KATNA1: variants seen among roughly 807,000 people sequenced by gnomAD.
The protein encoded by KATNA1 is katanin catalytic subunit A1, also known as katanin p60 ATPase-containing subunit A1.
KATNA1 carries 42 observed loss-of-function variants against 62.6 expected under a neutral mutation model. The observed-to-expected ratio is 0.67, with a 90% confidence interval of 0.52 to 0.87. The LOEUF (loss-of-function observed/expected upper bound fraction) is 0.87. Ranked by LOEUF, KATNA1 falls within the 40% of genes least tolerant of loss-of-function variation. KATNA1 has a pLI of 0.00. For synonymous variants in KATNA1, 186 were observed against 201.9 expected, an observed-to-expected ratio of 0.92 and a Z score of 0.67; for missense variants, 498 against 612.5, an observed-to-expected ratio of 0.81 and a Z score of 1.97.
rs368986326 is a variant in KATNA1 at position 149,608,193 on chromosome 6, A to G, written c.502-3411T>C. 3.3e-5 allele frequency among the ~76,000 whole-genome samples: 5 copies of G among 152,342 alleles called. No individual in the cohort carries two copies. The East Asian group carries it at 7.7e-4, about 23-fold the overall frequency. The stretch of plus-strand genomic sequence containing the variant: ...TCTCATTTCCAGGAAGATGGAGCAT[A>G]CTTTTCAGCATTTCTTCTGCTAAAC... On this transcript the variant is annotated intron_variant, in intron 4 of 10. Transcript: ENST00000367411.
chr6:149,609,587 G>C (rs1022573940), intron 4 of KATNA1, among the ~76,000 whole-genome samples: 2 of 150,674 alleles, frequency 1.3e-5, no homozygotes, highest in African/African-American at 4.9e-5. Context: ...GGTGGGTCAC[G>C]AAGTCAGGAG....
At chr6:149,636,060 G>C (rs188481784) in intron 2 of KATNA1, among the ~76,000 whole-genome samples, 128 of 150,826 alleles carry the variant, frequency 8.5e-4, no homozygotes, top group African/African-American at 3.1e-3. Context: ...CATCTCAAAA[G>C]AAAACAAACC....
chr6:149,608,565 T>G (rs1049879897), intron 4 of KATNA1, among the ~76,000 whole-genome samples: 1 of 152,182 alleles, frequency 6.6e-6, no homozygotes, highest in Non-Finnish European at 1.5e-5. Context: ...GTGGAAGGCC[T>G]AGGACTTTCT....
At position 149,603,347 on chromosome 6, in the gene KATNA1, G is replaced by T; in HGVS notation, c.650C>A (p.Ala217Asp). 1 of 1,589,338 alleles carries T rather than the reference G, an allele frequency of 6.3e-7. No individual in the cohort carries two copies. Among genetic ancestry groups the T allele is most frequent in the Non-Finnish European group, 8.6e-7 (1 of 1,160,890 alleles). Reference sequence around the variant, plus strand: ...TACGGCTTCCTTAAGCAACTTTTTAGCTTCTACTAAATCAGCGATATCATC... The same window carrying T: ...TACGGCTTCCTTAAGCAACTTTTTATCTTCTACTAAATCAGCGATATCATC... ...RWDDIADLVE[A>D]KKLLKEAVVL... Residue 217 changes from alanine to aspartate, a missense_variant, in exon 6 of 11, where the codon GCT becomes GAT. Ala to Asp is a moderately radical substitution (Grantham distance 126). Coordinates refer to ENST00000367411, the MANE Select transcript of KATNA1 (RefSeq NM_007044.4).
intron 2 of KATNA1, among the ~76,000 whole-genome samples, chr6:149,633,613 G>A (rs1041354131): frequency 2.6e-5 from 4 of 151,756 alleles, no homozygotes; most frequent in African/African-American, 9.7e-5. Flanking sequence ...GGCACCTACA[G>A]GCCCAGCTAC....
At chr6:149,600,353 C>T (rs908860048) in intron 7 of KATNA1, among the ~76,000 whole-genome samples, 2 of 151,856 alleles carry the variant, frequency 1.3e-5, no homozygotes, top group African/African-American at 4.8e-5. Context: ...TCAAAAAAGG[C>T]CAGGCGCAGT....
intron 6 of KATNA1, among the ~76,000 whole-genome samples, chr6:149,602,321 C>G (rs575501868): frequency 6.6e-6 from 1 of 152,272 alleles, no homozygotes; most frequent in Admixed American, 6.5e-5. Context: ...GAGGCAAGAT[C>G]GCACTGCACT....
chr6:149,610,466 CTT>C (rs923722093), intron 4 of KATNA1, among the ~76,000 whole-genome samples: 40 of 152,176 alleles, frequency 2.6e-4, no homozygotes, highest in African/African-American at 9.4e-4. Context: ...CAAAAACAAA[CTT>C]AGACAAGTTT....
At chr6:149,606,395 T>C (rs1454863954) in intron 4 of KATNA1, among the ~76,000 whole-genome samples, 1 of 152,186 alleles carries the variant, frequency 6.6e-6, no homozygotes, top group Non-Finnish European at 1.5e-5. Flanking sequence ...TTTTCTGCCG[T>C]ACTAAGATTG....
intron 1 of KATNA1, among the ~76,000 whole-genome samples, chr6:149,641,697 G>T (rs1780298658): frequency 1.3e-5 from 2 of 152,086 alleles, no homozygotes; most frequent in East Asian, 1.9e-4. Flanking sequence ...ATCAAGAAGG[G>T]TTTATCCCAG....
At chr6:149,641,767 C>A (rs1199253162) in intron 1 of KATNA1, among the ~76,000 whole-genome samples, 2 of 152,122 alleles carry the variant, frequency 1.3e-5, no homozygotes, top group Non-Finnish European at 2.9e-5. Context: ...CATTAATGGA[C>A]AAAAGTACCT....
chr6:149,647,702 G>A (rs928369561), intron 1 of KATNA1, among the ~76,000 whole-genome samples: 3 of 152,012 alleles, frequency 2.0e-5, no homozygotes, highest in Non-Finnish European at 4.4e-5. Flanking sequence ...CTAAAACATC[G>A]GGAATGTTTT....
At chr6:149,626,357 C>T (rs1452230799) in intron 3 of KATNA1, among the ~76,000 whole-genome samples, 37 of 125,478 alleles carry the variant, frequency 2.9e-4, no homozygotes, top group Non-Finnish European at 5.1e-4. Context: ...TGCTGTGGCG[C>T]GATCTCCGCT....
chr6:149,636,011 C>T (rs1324201476), intron 2 of KATNA1, among the ~76,000 whole-genome samples: 11 of 151,862 alleles, frequency 7.2e-5, no homozygotes, highest in East Asian at 1.9e-4. Context: ...GCTGAGACCG[C>T]GCCATTGCAC....
At chr6:149,600,296 T>C (rs1317594016) in intron 7 of KATNA1, among the ~76,000 whole-genome samples, 1 of 150,450 alleles carries the variant, frequency 6.6e-6, no homozygotes, top group Non-Finnish European at 1.5e-5. Flanking sequence ...GGCCAGGAGT[T>C]CTAGACTGCC....
intron 4 of KATNA1, among the ~76,000 whole-genome samples, chr6:149,620,105 A>G (rs1281309093): frequency 6.6e-6 from 1 of 152,166 alleles, no homozygotes; most frequent in Non-Finnish European, 1.5e-5. Context: ...GATAAATAAC[A>G]CATGTTCTCA....
chr6:149,625,850 C>T (rs1314506427), intron 3 of KATNA1, among the ~76,000 whole-genome samples: 2 of 151,658 alleles, frequency 1.3e-5, no homozygotes, highest in Non-Finnish European at 2.9e-5. Context: ...ATGAAAATCG[C>T]TTGAACCCAG....
In KATNA1 at chr6:149,635,066, T is replaced by C. The variant is rs1316869860; in HGVS notation, c.163-2150A>G. On this transcript the variant is annotated intron_variant, in intron 2 of 10. Transcript: ENST00000367411. ...CCTCAAAAATAAAAGAGAAAAGGAA[T>C]CTTGACGCAATTTAAAAACTAATCT... 2.6e-5 allele frequency among the ~76,000 whole-genome samples: 4 copies of C among 151,652 alleles called. No individual in the cohort carries two copies. In the East Asian group the frequency reaches 5.8e-4, roughly 22 times the overall value.
At position 149,601,253 on chromosome 6, in the gene KATNA1, T is replaced by G. The variant is rs3818108; in HGVS notation, c.888+341A>C. ...TCCACAATAAATTATGATTCTCACC[T>G]TTTGGCATCATTGTTACAATACTGT... is the stretch of plus-strand genomic sequence containing the variant. On this transcript the variant is annotated intron_variant, in intron 7 of 10. Transcript: ENST00000367411. 1.2e-4 allele frequency among the ~76,000 whole-genome samples: 18 copies of G among 152,324 alleles called. No individual in the cohort carries two copies. The East Asian group carries it at 3.3e-3, about 28-fold the overall frequency.
Sources: allele counts gnomAD v4.1 joint callset (sites outside exome capture counted in the v4.1 genomes callset), GRCh38; gene constraint gnomAD v4.1.1; transcripts MANE v1.5; gene names NCBI Gene and HGNC (gene_info 2026-07-23, HGNC 2026-07-21).